The following RNF157 variants were observed in gnomAD, a reference collection of about 807,000 sequenced individuals.
RNF157 encodes the protein E3 ubiquitin ligase RNF157.
RNF157 carries 55 observed loss-of-function variants against 88.3 expected under a neutral mutation model. The observed-to-expected ratio is 0.62, with a 90% CI of 0.50 to 0.78. The LOEUF (loss-of-function observed/expected upper bound fraction) is 0.78, where lower values mean the gene tolerates loss of function less well. RNF157 is among the 30% of genes least tolerant of loss of function. The pLI, the probability that RNF157 is intolerant of heterozygous loss-of-function variation, is 0.00. For synonymous variants in RNF157, 334 were observed against 341.2 expected (o/e 0.98, Z 0.23); for missense variants, 788 against 860.8 (o/e 0.92, Z 1.06).
At chr17:76,222,482 T>C (rs2070002642) in intron 1 of RNF157, among the ~76,000 whole-genome samples, 2 of 152,210 alleles carry the variant, frequency 1.3e-5, no homozygotes, top group South Asian at 4.1e-4. Context: ...AAAAATCACA[T>C]GGGGAGGAAG....
chr17:76,214,891 A>C (rs1290596361), intron 1 of RNF157, among the ~76,000 whole-genome samples: 1 of 152,240 alleles, frequency 6.6e-6, no homozygotes, highest in Non-Finnish European at 1.5e-5. Flanking sequence ...GGTTATGCTG[A>C]AAATTACATC....
At chr17:76,194,093 C>G (rs1373758465) in intron 2 of RNF157, among the ~76,000 whole-genome samples, 1 of 152,138 alleles carries the variant, frequency 6.6e-6, no homozygotes, top group African/African-American at 2.4e-5. Flanking sequence ...AATTTATATA[C>G]AGTAAAATTC....
chr17:76,230,872 GAGAGAGAAAGAGAA>G (rs1275807883), intron 1 of RNF157, among the ~76,000 whole-genome samples: 5 of 108,494 alleles, frequency 4.6e-5, no homozygotes, highest in Admixed American at 1.0e-4. Flanking sequence ...GAGAGAGAGA[GAGAGAGAAAGAGAA>G]AGAGAGAAAG....
intron 2 of RNF157, among the ~76,000 whole-genome samples, chr17:76,183,903 G>A (rs1260412667): frequency 6.6e-6 from 1 of 151,900 alleles, no homozygotes; most frequent in Admixed American, 6.6e-5. Context: ...AAATAGCAAA[G>A]TACAGGCTGG....
rs922125453 is a variant in RNF157 at position 76,226,587 on chromosome 17, T to C, written c.88+13566A>G. ...GTCCCAGAGAAGGCATCCTCCTTGC[T>C]GTTGTTGGAGGGACTGACCAACCCA... On this transcript the variant is annotated intron_variant, in intron 1 of 18. Transcript: ENST00000269391. 2.5e-6 allele frequency: 4 copies of C among 1,613,500 alleles called. No homozygotes were observed. In the African/African-American group the frequency reaches 4.0e-5, roughly 16 times the overall value.
chr17:76,205,466 C>T (rs1333042612), intron 2 of RNF157, among the ~76,000 whole-genome samples: 3 of 152,044 alleles, frequency 2.0e-5, no homozygotes, highest in African/African-American at 7.2e-5. Context: ...AGCGGCTGAG[C>T]GCAGTGGCTC....
intron 3 of RNF157, among the ~76,000 whole-genome samples, chr17:76,171,275 G>A (rs904382884): frequency 1.3e-5 from 2 of 152,036 alleles, no homozygotes; most frequent in African/African-American, 4.8e-5. Context: ...TGCAACCTCT[G>A]TCTCCTGGGT....
chr17:76,207,103 C>T (rs945068871), intron 2 of RNF157, among the ~76,000 whole-genome samples: 2 of 152,108 alleles, frequency 1.3e-5, no homozygotes, highest in African/African-American at 2.4e-5. Context: ...TTAAATCTGA[C>T]CCTTAAGACT....
chr17:76,214,760 G>A (rs2145033374), intron 1 of RNF157, among the ~76,000 whole-genome samples: 1 of 152,200 alleles, frequency 6.6e-6, no homozygotes, highest in Middle Eastern at 3.4e-3. Context: ...TATTTTCAGT[G>A]CAATATAATA....
intron 2 of RNF157, among the ~76,000 whole-genome samples, chr17:76,174,846 A>G (rs186905835): frequency 1.3e-5 from 2 of 152,382 alleles, no homozygotes; most frequent in Admixed American, 6.5e-5. Context: ...CTTACATTCA[A>G]TAGAAATTAT....
At position 76,173,686 on chromosome 17, in the gene RNF157, G is replaced by T; in HGVS notation, c.296+16C>A. On this transcript the variant is annotated intron_variant, in intron 3 of 18. Transcript: ENST00000269391. ...GGAAGGTGCCTGGGACCTGGCCCCA[G>T]CCTCTGGGAACTTACTTGACGAGCC... 6.3e-7 allele frequency: 1 copy of T among 1,590,360 alleles called. No individual in the cohort carries two copies. The highest frequency in any genetic ancestry group is 8.6e-7 in the Non-Finnish European group (1 of 1,164,190).
chr17:76,178,849 T>C (rs1359505022), intron 2 of RNF157, among the ~76,000 whole-genome samples: 1 of 152,142 alleles, frequency 6.6e-6, no homozygotes, highest in Non-Finnish European at 1.5e-5. Flanking sequence ...GTAACTAACA[T>C]GTCTTAAAGG....
chr17:76,221,828 T>C (rs553854143), intron 1 of RNF157, among the ~76,000 whole-genome samples: 1 of 152,356 alleles, frequency 6.6e-6, no homozygotes, highest in African/African-American at 2.4e-5. Flanking sequence ...CGGAATATTA[T>C]TCAGCCATAA....
rs1249730848 is a variant in RNF157 at position 76,195,107 on chromosome 17, G to C, written c.207+17257C>G. 6.6e-6 allele frequency among the ~76,000 whole-genome samples: 1 copy of C among 152,190 alleles called. No individual in the cohort carries two copies. The highest frequency in any genetic ancestry group is 2.4e-5 in the African/African-American group (1 of 41,436). ...TGAAACACACACTGACAAGTGGAAA[G>C]CGATTCAGGAGAACAGAAAGGGCCG... is the stretch of plus-strand genomic sequence containing the variant. On this transcript the variant is annotated intron_variant, in intron 2 of 18. Coordinates refer to ENST00000269391, the MANE Select transcript of RNF157 (RefSeq NM_052916.3). This position sits in a 1 kb window ranked among gnomAD's most constrained non-coding sequence, Gnocchi z 4.4.
chr17:76,145,184 G>A lies in RNF157; in HGVS notation c.*51C>T. ...TGCCCAGTAGGCAGCAGCTGAGTGA[G>A]GATGGATGGAATGCAGGGCAGGAGG... On this transcript the variant is annotated 3_prime_UTR_variant, in exon 19 of 19. Coordinates refer to ENST00000269391, the MANE Select transcript of RNF157 (RefSeq NM_052916.3). 1 of 1,235,132 alleles carries A rather than the reference G, an allele frequency of 8.1e-7. No homozygotes were observed. Among genetic ancestry groups the A allele is most frequent in the African/African-American group, 1.5e-5 (1 of 67,652 alleles). The allele number at this position is 1,235,132 out of a possible 1,614,324, so 76.5% of individuals were successfully genotyped here.
In RNF157 at chr17:76,154,377, A is replaced by C. The variant is rs76090105; in HGVS notation, c.1765-49T>G. On this transcript the variant is annotated intron_variant, in intron 16 of 18. Coordinates refer to ENST00000269391, the MANE Select transcript of RNF157 (RefSeq NM_052916.3). ...GAGTCTATGAAGCGGCAAAATGAGT[A>C]AACTGATTGGCTGAAGACAGAACTA... The C allele has an allele frequency of 3.3e-3, 4,108 of 1,256,952 alleles. 100 individuals carry two copies. The African/African-American group carries it at 0.05, about 15-fold the overall frequency. 77.9% of individuals were successfully genotyped at this position (1,256,952 alleles called of 1,614,324 possible). A position where few individuals can be genotyped will look rare whatever the true frequency, so the allele number is the denominator to read the frequency against.
At chr17:76,202,128 T>TCTCTCA (rs1250661867) in intron 2 of RNF157, among the ~76,000 whole-genome samples, 9 of 134,664 alleles carry the variant, frequency 6.7e-5, no homozygotes, top group African/African-American at 2.5e-4. Context: ...TCTCTCTCTC[T>TCTCTCA]CACACACACA....
chr17:76,180,973 C>T (rs956122265), intron 2 of RNF157, among the ~76,000 whole-genome samples: 3 of 152,144 alleles, frequency 2.0e-5, no homozygotes, highest in Non-Finnish European at 4.4e-5. Context: ...CGGAGAAATA[C>T]AGTAGCCGAC....
chr17:76,197,212 C>T (rs770758091), intron 2 of RNF157, among the ~76,000 whole-genome samples: 2 of 152,088 alleles, frequency 1.3e-5, no homozygotes, highest in Admixed American at 6.6e-5. Flanking sequence ...ATAGGAGACA[C>T]GGGGCTGTAT....
Sources: gnomAD v4.1 joint callset for allele counts (sites outside exome capture counted in the v4.1 genomes callset) on GRCh38, gnomAD v4.1.1 for gene constraint, Gnocchi (gnomAD v3.1) non-coding constraint, MANE v1.5 for transcripts, NCBI Gene and HGNC (gene_info 2026-07-23, HGNC 2026-07-21) for gene names.